Variants in SIN3B observed in about 807,000 individuals in gnomAD.
SIN3B encodes SIN3 transcription regulator family member B.
In SIN3B, 19 loss-of-function variants were observed where a neutral mutation model predicts 120.2. The ratio of observed to expected loss-of-function variants is 0.16; its 90% CI spans 0.11 to 0.23. The LOEUF (loss-of-function observed/expected upper bound fraction) is 0.23, where lower values mean the gene tolerates loss of function less well. SIN3B is among the 10% of genes least tolerant of loss of function. The pLI is 1.00. For missense variants in SIN3B, 1,073 were observed against 1,573.0 expected (o/e 0.68, Z 5.38); for synonymous variants, 654 against 653.2 (o/e 1.00, Z -0.02).
At chr19:16,864,816 G>A (rs1464787704) in intron 10 of SIN3B, among the ~76,000 whole-genome samples, 6 of 149,438 alleles carry the variant, frequency 4.0e-5, no homozygotes, top group East Asian at 2.1e-4. Context: ...CAAAGCAAGA[G>A]CCCATCTATA....
rs1044845863 is a variant in SIN3B at position 16,844,965 on chromosome 19, T to G, written c.583-2005T>G. ...GACATGGGAGGGGGTGCTGGCGTGG[T>G]TTTGCATACTCCCACGGGGTTCTGG... On this transcript the variant is annotated intron_variant, in intron 4 of 18. Transcript: ENST00000248054. Among the ~76,000 whole-genome samples the G allele has an allele frequency of 1.3e-5, 2 of 152,070 alleles. 1 individual carries two copies. The highest frequency in any genetic ancestry group is 1.3e-4 in the Admixed American group (2 of 15,272).
At chr19:16,875,017 T>C (rs1285229494) in intron 14 of SIN3B, among the ~76,000 whole-genome samples, 1 of 151,672 alleles carries the variant, frequency 6.6e-6, no homozygotes, top group African/African-American at 2.4e-5. Context: ...AGGTTTTGGT[T>C]TGGTCTGGTT....
At chr19:16,859,383 T>C (rs1400514138) in intron 8 of SIN3B, among the ~76,000 whole-genome samples, 1 of 152,048 alleles carries the variant, frequency 6.6e-6, no homozygotes, top group Non-Finnish European at 1.5e-5. Flanking sequence ...TGTGAACCCA[T>C]GTCCTCATTT....
intron 12 of SIN3B, among the ~76,000 whole-genome samples, chr19:16,867,004 C>G (rs1971784717): frequency 6.6e-6 from 1 of 152,184 alleles, no homozygotes; most frequent in African/African-American, 2.4e-5. Flanking sequence ...ATCCACCCAC[C>G]TCAGCCTCCC....
In SIN3B at chr19:16,871,409, C is replaced by A. The variant is rs774851502; in HGVS notation, c.2592+11C>A. Reference sequence around the variant, plus strand: ...AACATTGCGCGGCAGGTGAGCCGGGCCGGGGTGGGGCCGGCCCTGAGGACG... The same window carrying A: ...AACATTGCGCGGCAGGTGAGCCGGGACGGGGTGGGGCCGGCCCTGAGGACG... On this transcript the variant is annotated intron_variant, in intron 14 of 18. Coordinates refer to ENST00000248054, the MANE Select transcript of SIN3B (RefSeq NM_001297595.2). The A allele has an allele frequency of 6.8e-5, 109 of 1,592,292 alleles. No individual in the cohort carries two copies. The highest frequency in any genetic ancestry group is 8.6e-5 in the Non-Finnish European group (101 of 1,168,132).
At chr19:16,865,781 G>C (rs74646865) in intron 11 of SIN3B, 133 bp downstream of exon 11, 8,424 of 653,160 alleles carry the variant, frequency 0.013, 79 homozygotes, top group Non-Finnish European at 0.014. Flanking sequence ...GTCATCTCCA[G>C]GGGTGGTCTC....
At position 16,862,912 on chromosome 19, in the gene SIN3B, C is replaced by T. The variant is rs1210219692; in HGVS notation, c.1266+353C>T. 1.9e-6 allele frequency: 3 copies of T among 1,614,188 alleles called. No homozygotes were observed. Among genetic ancestry groups the T allele is most frequent in the Non-Finnish European group, 2.5e-6 (3 of 1,180,004 alleles). The stretch of plus-strand genomic sequence containing the variant: ...GACCATTGGACACTTCTCCAGGGTT[C>T]GTGGACAGACGATTACTGCATGTCC... On this transcript the variant is annotated intron_variant, in intron 9 of 18. Transcript: ENST00000248054. This position sits in a 1 kb window ranked among gnomAD's most constrained non-coding sequence, Gnocchi z 4.7.
At chr19:16,854,464 T>G in intron 8 of SIN3B, 1 of 534,422 alleles carries the variant, frequency 1.9e-6, no homozygotes, top group Non-Finnish European at 3.3e-6. Flanking sequence ...CTGGTTCCTT[T>G]ACCAGTAACA....
chr19:16,851,665 C>T, intron 6 of SIN3B, 131 bp downstream of exon 6: 1 of 1,179,560 alleles, frequency 8.5e-7, no homozygotes. Flanking sequence ...GTGAGGTTCA[C>T]CGGCAGTGGG....
chr19:16,877,192 C>A (rs2051619613), intron 16 of SIN3B: 1 of 295,762 alleles, frequency 3.4e-6, no homozygotes, highest in African/African-American at 2.2e-5. Flanking sequence ...CAACAGAAGT[C>A]TATTCCCTCA....
chr19:16,871,308 G>A lies in SIN3B; in HGVS notation c.2502G>A (p.Thr834=), dbSNP rs766054809. ...TGCTGGAGGGCAGCATCGACCCCAC[G>A]CAGTACGAGGACACCCTACGCGAGA... ...RSLLEGSIDP[T]QYEDTLREMF... is the part of the protein sequence containing the mutation. The change falls in exon 14 of 19, where the codon ACG becomes ACA. Residue 834 remains threonine, a synonymous_variant. Transcript: ENST00000248054. 7 of 1,613,990 alleles carry A rather than the reference G, an allele frequency of 4.3e-6. No individual in the cohort carries two copies. The highest frequency in any genetic ancestry group is 2.2e-5 in the South Asian group (2 of 91,088).
chr19:16,855,370 T>TCCCCCCCCC (rs56055685), intron 8 of SIN3B: 1 of 52,944 alleles, frequency 1.9e-5, no homozygotes. Context: ...GGAGAAACCT[T>TCCCCCCCCC]CCCCCCCCCC....
intron 4 of SIN3B, among the ~76,000 whole-genome samples, chr19:16,845,265 C>T (rs1365136474): frequency 3.9e-5 from 6 of 152,054 alleles, no homozygotes; most frequent in Admixed American, 2.6e-4. Context: ...TTCTGCCTTC[C>T]GTGTTTGATT....
intron 5 of SIN3B, among the ~76,000 whole-genome samples, chr19:16,849,933 G>A (rs1307158094): frequency 3.3e-5 from 5 of 150,314 alleles, no homozygotes; most frequent in African/African-American, 9.8e-5. Context: ...TCCAGCCTGG[G>A]TGACAGAGTG....
At chr19:16,831,382 T>G in intron 2 of SIN3B, 112 bp from the exon 3 acceptor site, 5 of 1,127,462 alleles carry the variant, frequency 4.4e-6, no homozygotes, top group South Asian at 1.5e-5. Flanking sequence ...TTAGGTTCCT[T>G]TGTTGTCTGT....
At chr19:16,833,290 A>G (rs1238983687) in intron 3 of SIN3B, among the ~76,000 whole-genome samples, 2 of 152,216 alleles carry the variant, frequency 1.3e-5, no homozygotes, top group Admixed American at 1.3e-4. Flanking sequence ...AGCGAAGGGT[A>G]ATGTGGCAGT....
At chr19:16,842,899 A>G (rs1485968060) in intron 4 of SIN3B, among the ~76,000 whole-genome samples, 4 of 152,126 alleles carry the variant, frequency 2.6e-5, no homozygotes, top group Non-Finnish European at 4.4e-5. Flanking sequence ...GGAAGGGTGG[A>G]CATTCTTGGT....
At chr19:16,847,207 C>G in intron 5 of SIN3B, 94 bp downstream of exon 5, 3 of 1,382,850 alleles carry the variant, frequency 2.2e-6, no homozygotes, top group Non-Finnish European at 3.0e-6. Flanking sequence ...AGCCTATGTA[C>G]CCTCCAGGCC....
intron 3 of SIN3B, among the ~76,000 whole-genome samples, chr19:16,836,250 T>G (rs1290661277): frequency 6.6e-6 from 1 of 152,140 alleles, no homozygotes; most frequent in African/African-American, 2.4e-5. Flanking sequence ...TGTTGCCGAG[T>G]GTCCCCTGGG....
Sources: gnomAD v4.1 joint callset for allele counts (sites outside exome capture counted in the v4.1 genomes callset) on GRCh38, gnomAD v4.1.1 for gene constraint, Gnocchi (gnomAD v3.1) non-coding constraint, MANE v1.5 for transcripts, NCBI Gene and HGNC (gene_info 2026-07-23, HGNC 2026-07-21) for gene names.